TMEM178B: variants seen among roughly 807,000 people sequenced by gnomAD.
TMEM178B encodes the protein transmembrane protein 178B.
Under a neutral mutation model 31.0 loss-of-function variants are expected in TMEM178B, and 5 were observed. The ratio of observed to expected loss-of-function variants is 0.16; its 90% CI spans 0.08 to 0.34. The LOEUF is 0.34. Ranked by LOEUF, TMEM178B falls within the 10% of genes least tolerant of loss-of-function variation. TMEM178B has a pLI of 1.00. For synonymous variants in TMEM178B, 164 were observed against 164.0 expected (o/e 1.00, Z 0.00); for missense variants, 275 against 400.3 (o/e 0.69, Z 2.67).
chr7:141,324,117 G>T (rs988579757), intron 2 of TMEM178B, among the ~76,000 whole-genome samples: 1 of 152,146 alleles, frequency 6.6e-6, no homozygotes, highest in South Asian at 2.1e-4. Context: ...AGAAACGTAG[G>T]GGGGAAGCAG....
chr7:141,490,191 A>G, the TMEM178B span, among the ~76,000 whole-genome samples: 1 of 152,218 alleles, frequency 6.6e-6, no homozygotes, highest in African/African-American at 2.4e-5. Flanking sequence ...ATACTCTGAC[A>G]AGGAAACAGT....
At chr7:141,467,536 C>T (rs1007261953) in intron 3 of TMEM178B, among the ~76,000 whole-genome samples, 6 of 152,108 alleles carry the variant, frequency 3.9e-5, no homozygotes, top group African/African-American at 1.4e-4. Context: ...CCAGACTTGC[C>T]CCTTCCCCCT....
intron 2 of TMEM178B, among the ~76,000 whole-genome samples, chr7:141,234,689 T>G (rs1211498054): frequency 6.6e-6 from 1 of 152,192 alleles, no homozygotes; most frequent in Non-Finnish European, 1.5e-5. Flanking sequence ...TAATTCCCCT[T>G]GCATCTTCTT....
intron 2 of TMEM178B, among the ~76,000 whole-genome samples, chr7:141,358,005 C>T (rs1668616133): frequency 6.6e-6 from 1 of 152,144 alleles, no homozygotes; most frequent in Non-Finnish European, 1.5e-5. Context: ...TCCTGGAAAC[C>T]ATTTTAACTG....
chr7:141,282,610 G>A (rs915808190), intron 2 of TMEM178B, among the ~76,000 whole-genome samples: 8 of 152,164 alleles, frequency 5.3e-5, no homozygotes, highest in East Asian at 1.9e-4. Flanking sequence ...ATTCTTTTAC[G>A]GAGTCCAAAT....
chr7:141,191,989 A>G (rs897731241), intron 1 of TMEM178B, among the ~76,000 whole-genome samples: 12 of 152,162 alleles, frequency 7.9e-5, no homozygotes, highest in Non-Finnish European at 1.3e-4. Context: ...TCCATTGGGA[A>G]TTTACCCTGG....
At chr7:141,180,309 A>T (rs1052644240) in intron 1 of TMEM178B, among the ~76,000 whole-genome samples, 1 of 151,898 alleles carries the variant, frequency 6.6e-6, no homozygotes, top group Non-Finnish European at 1.5e-5. Context: ...AAATGCAAAA[A>T]ATTAGCCAGG....
intron 2 of TMEM178B, among the ~76,000 whole-genome samples, chr7:141,373,039 G>A (rs1156989824): frequency 2.0e-5 from 3 of 152,220 alleles, no homozygotes; most frequent in South Asian, 2.1e-4. Context: ...CTTAGTAGCT[G>A]TGTGACTTTG....
At chr7:141,214,995 GAC>G (rs1466621429) in intron 2 of TMEM178B, among the ~76,000 whole-genome samples, 1 of 152,136 alleles carries the variant, frequency 6.6e-6, no homozygotes, top group Non-Finnish European at 1.5e-5. Context: ...TGACATCGAT[GAC>G]AGTTATTTTT....
At chr7:141,228,965 T>A (rs181039853) in intron 2 of TMEM178B, among the ~76,000 whole-genome samples, 1 of 150,504 alleles carries the variant, frequency 6.6e-6, no homozygotes, top group Admixed American at 6.6e-5. Flanking sequence ...TGAGATGGAG[T>A]CTCCAGAGAC....
At position 141,091,367 on chromosome 7, in the gene TMEM178B, T is replaced by C. The variant is rs1410024426; in HGVS notation, c.382+16675T>C. ...CTGTCTCTTGTTATATATATATTTA[T>C]TTAAAAACCTGTAGGAACCCAGTGG... On this transcript the variant is annotated intron_variant, in intron 1 of 3. Transcript: ENST00000565468. 1.1e-4 allele frequency among the ~76,000 whole-genome samples: 16 copies of C among 152,196 alleles called. 1 individual carries two copies. The highest frequency in any genetic ancestry group is 2.2e-4 in the Non-Finnish European group (15 of 68,044).
At chr7:141,209,784 T>C (rs976038560) in intron 1 of TMEM178B, among the ~76,000 whole-genome samples, 1 of 152,156 alleles carries the variant, frequency 6.6e-6, no homozygotes, top group Non-Finnish European at 1.5e-5. Flanking sequence ...AGCCATCTCT[T>C]AGGATGAGTA....
intron 3 of TMEM178B, among the ~76,000 whole-genome samples, chr7:141,438,114 A>G (rs1324056886): frequency 6.6e-6 from 1 of 152,124 alleles, no homozygotes; most frequent in African/African-American, 2.4e-5. Flanking sequence ...GGCCCTGGGC[A>G]TTAGTGTGGG....
intron 2 of TMEM178B, among the ~76,000 whole-genome samples, chr7:141,289,769 G>A (rs1305761071): frequency 1.3e-5 from 2 of 151,506 alleles, no homozygotes; most frequent in East Asian, 1.9e-4. Context: ...ATGCATCAAG[G>A]TGCAGGGCTT....
At chr7:141,223,505 C>G (rs892393348) in intron 2 of TMEM178B, among the ~76,000 whole-genome samples, 1 of 133,592 alleles carries the variant, frequency 7.5e-6, no homozygotes, top group African/African-American at 3.6e-5. Flanking sequence ...TTGTATTTCC[C>G]TGATATCTAA....
rs137976615 is a variant in TMEM178B, at chr7:141,446,574, T to C, written c.634+8829T>C. 8.5e-5 allele frequency among the ~76,000 whole-genome samples: 13 copies of C among 152,304 alleles called. No homozygotes were observed. The East Asian group carries it at 2.5e-3, about 29-fold the overall frequency. On this transcript the variant is annotated intron_variant, in intron 3 of 3. Transcript: ENST00000565468. Reference sequence around the variant, plus strand: ...CTGTCTTCCATTCTCTGCCTCTTGATTGGGGGTGAGAGTCCTAGTTAAGTG... The same window carrying C: ...CTGTCTTCCATTCTCTGCCTCTTGACTGGGGGTGAGAGTCCTAGTTAAGTG...
At chr7:141,138,850 G>A (rs1345288783) in intron 1 of TMEM178B, among the ~76,000 whole-genome samples, 1 of 152,044 alleles carries the variant, frequency 6.6e-6, no homozygotes, top group Non-Finnish European at 1.5e-5. Context: ...CGGGTGTGGT[G>A]GCACGTGCCT....
At chr7:141,273,132 C>T (rs1306170378) in intron 2 of TMEM178B, among the ~76,000 whole-genome samples, 1 of 152,080 alleles carries the variant, frequency 6.6e-6, no homozygotes, top group Non-Finnish European at 1.5e-5. Context: ...CAAAGAAAGA[C>T]AAATACTGCA....
At chr7:141,370,110 C>A (rs1196220084) in intron 2 of TMEM178B, among the ~76,000 whole-genome samples, 2 of 130,254 alleles carry the variant, frequency 1.5e-5, no homozygotes, top group African/African-American at 5.9e-5. Context: ...CGGGAGGAAC[C>A]CCCCAAGTGT....
Sources: gnomAD v4.1 joint callset for allele counts (sites outside exome capture counted in the v4.1 genomes callset) on GRCh38, gnomAD v4.1.1 for gene constraint, MANE v1.5 for transcripts, NCBI Gene and HGNC (gene_info 2026-07-23, HGNC 2026-07-21) for gene names.